The following GRB2 variants were observed in gnomAD, a reference collection of about 807,000 sequenced individuals.
GRB2 encodes the protein growth factor receptor-bound protein 2.
GRB2 carries 2 observed loss-of-function variants against 27.4 expected under a neutral mutation model. The observed-to-expected ratio is 0.07, with a 90% CI of 0.03 to 0.23. The LOEUF (loss-of-function observed/expected upper bound fraction) is 0.23, where lower values mean the gene tolerates loss of function less well. Among genes scored for constraint, GRB2 ranks in the 10% least tolerant of loss-of-function variants. The pLI is 1.00. For missense variants in GRB2, 102 were observed against 282.4 expected (o/e 0.36, Z 4.58); for synonymous variants, 94 against 99.6 (o/e 0.94, Z 0.33).
At chr17:75,398,097 A>G (rs1306311637) in intron 1 of GRB2, among the ~76,000 whole-genome samples, 1 of 151,994 alleles carries the variant, frequency 6.6e-6, no homozygotes, top group Non-Finnish European at 1.5e-5. Context: ...TGCTGGGATT[A>G]CAGGCATGAG....
intron 2 of GRB2, among the ~76,000 whole-genome samples, chr17:75,347,240 C>T (rs2078661279): frequency 1.3e-5 from 2 of 152,084 alleles, no homozygotes; most frequent in Admixed American, 1.3e-4. Context: ...CAGTGAAACC[C>T]CACCTCTAAG....
At chr17:75,328,566 C>T (rs1321590914) in intron 3 of GRB2, among the ~76,000 whole-genome samples, 2 of 150,912 alleles carry the variant, frequency 1.3e-5, no homozygotes, top group Admixed American at 1.3e-4. Context: ...CTTGAATCTC[C>T]GGGAGGCAGA....
chr17:75,346,578 C>CTTTTTT (rs775027742), intron 2 of GRB2, among the ~76,000 whole-genome samples: 18 of 68,752 alleles, frequency 2.6e-4, no homozygotes, highest in Admixed American at 4.6e-4. Context: ...CTTTTCTTGC[C>CTTTTTT]TTTTTTTTTT....
intron 2 of GRB2, 151 bp from the exon 3 acceptor site, chr17:75,332,948 A>T (rs1423582528): frequency 2.0e-6 from 1 of 503,250 alleles, no homozygotes. Flanking sequence ...TTTTAACTTC[A>T]AACAACCAGC....
intron 2 of GRB2, among the ~76,000 whole-genome samples, chr17:75,358,700 TAA>T (rs71159497): frequency 0.61 from 40,113 of 65,900 alleles, 9,303 homozygotes; most frequent in Middle Eastern, 0.67. Flanking sequence ...CCATCTCTAC[TAA>T]AAAAAAAAAA....
chr17:75,381,494 A>AGATC (rs1401161756), intron 2 of GRB2, among the ~76,000 whole-genome samples: 1 of 151,416 alleles, frequency 6.6e-6, no homozygotes, highest in Non-Finnish European at 1.5e-5. Flanking sequence ...TGAGGCGGGC[A>AGATC]GATCATGAGG....
intron 4 of GRB2, among the ~76,000 whole-genome samples, chr17:75,324,507 GTTT>G (rs767194304): frequency 3.0e-4 from 11 of 36,700 alleles, no homozygotes; most frequent in African/African-American, 4.1e-4. Context: ...ACCGCACCCA[GTTT>G]TTTTTTTTTT....
intron 1 of GRB2, among the ~76,000 whole-genome samples, chr17:75,396,862 A>G (rs1029666873): frequency 3.3e-5 from 5 of 152,222 alleles, no homozygotes; most frequent in African/African-American, 1.2e-4. Context: ...GAAAAACAGA[A>G]ATCAGATAGA....
At chr17:75,336,439 A>G (rs1402621766) in intron 2 of GRB2, among the ~76,000 whole-genome samples, 1 of 152,222 alleles carries the variant, frequency 6.6e-6, no homozygotes, top group African/African-American at 2.4e-5. Context: ...GAACAAAGTA[A>G]TCATTAGAAA....
In GRB2 at chr17:75,368,527, T is replaced by C. The variant is rs558341241; in HGVS notation, c.78+25024A>G. ...CGTGACCCACTGCGTCAGGCGTTTG[T>C]TTTTTTTTTTGTTGTTTTTTTTTTT... On this transcript the variant is annotated intron_variant, in intron 2 of 5. Coordinates refer to ENST00000316804, the MANE Select transcript of GRB2 (RefSeq NM_002086.5). 2.9e-4 allele frequency among the ~76,000 whole-genome samples: 39 copies of C among 136,666 alleles called. No individual in the cohort carries two copies. The South Asian group carries it at 7.9e-3, about 28-fold the overall frequency. 89.7% of individuals were successfully genotyped at this position (136,666 alleles called of 152,430 possible).
intron 2 of GRB2, among the ~76,000 whole-genome samples, chr17:75,366,071 T>G (rs1419790589): frequency 6.6e-6 from 1 of 152,150 alleles, no homozygotes; most frequent in Non-Finnish European, 1.5e-5. Context: ...GGAAACACCC[T>G]ACAATGTCCA....
chr17:75,331,169 C>T (rs1295690549), intron 3 of GRB2, among the ~76,000 whole-genome samples: 1 of 152,218 alleles, frequency 6.6e-6, no homozygotes, highest in Non-Finnish European at 1.5e-5. Flanking sequence ...TAGGCACAAG[C>T]ATGGTCTTTG....
At chr17:75,350,231 A>AG (rs200149178) in intron 2 of GRB2, among the ~76,000 whole-genome samples, 175 of 61,620 alleles carry the variant, frequency 2.8e-3, no homozygotes, top group African/African-American at 5.0e-3. Context: ...CTCATCTCTG[A>AG]GGGGAAAAAA....
chr17:75,367,469 G>A (rs2078827268), intron 2 of GRB2, among the ~76,000 whole-genome samples: 1 of 152,204 alleles, frequency 6.6e-6, no homozygotes, highest in South Asian at 2.1e-4. Context: ...GAGCCACTGA[G>A]CTGGGCCGTT....
intron 2 of GRB2, among the ~76,000 whole-genome samples, chr17:75,364,370 A>G (rs1355049980): frequency 6.6e-6 from 1 of 152,212 alleles, no homozygotes; most frequent in African/African-American, 2.4e-5. Context: ...TTTATTATGT[A>G]CCAGAATTCA....
chr17:75,393,224 T>A (rs1487540870), intron 2 of GRB2, among the ~76,000 whole-genome samples: 2 of 152,220 alleles, frequency 1.3e-5, no homozygotes, highest in Non-Finnish European at 2.9e-5. Flanking sequence ...ATGCTATTTT[T>A]AAAATAAAAC....
chr17:75,379,673 T>C (rs2078915407), intron 2 of GRB2, among the ~76,000 whole-genome samples: 1 of 152,106 alleles, frequency 6.6e-6, no homozygotes, highest in South Asian at 2.1e-4. Context: ...GTGCTAGGAT[T>C]ACAGGCCACC....
intron 4 of GRB2, among the ~76,000 whole-genome samples, chr17:75,324,145 A>T (rs1022475556): frequency 2.0e-5 from 3 of 151,872 alleles, no homozygotes; most frequent in African/African-American, 7.2e-5. Flanking sequence ...TTCAAAAAAA[A>T]AATCTACATT....
chr17:75,348,073 C>A (rs1287109037), intron 2 of GRB2, among the ~76,000 whole-genome samples: 1 of 152,220 alleles, frequency 6.6e-6, no homozygotes, highest in Non-Finnish European at 1.5e-5. Context: ...AGGGGTCTTG[C>A]TCTGTGGCCC....
Sources: gnomAD v4.1 joint callset for allele counts (sites outside exome capture counted in the v4.1 genomes callset) on GRCh38, gnomAD v4.1.1 for gene constraint, MANE v1.5 for transcripts, NCBI Gene and HGNC (gene_info 2026-07-23, HGNC 2026-07-21) for gene names.